PAPPA: variants seen among roughly 807,000 people sequenced by gnomAD.
PAPPA encodes the protein pappalysin 1.
PAPPA carries 60 observed loss-of-function variants against 164.0 expected under a neutral mutation model. The ratio of observed to expected loss-of-function variants is 0.37; its 90% confidence interval spans 0.30 to 0.45. The LOEUF (loss-of-function observed/expected upper bound fraction) is 0.45. Among genes scored for constraint, PAPPA ranks in the 20% least tolerant of loss-of-function variants. PAPPA has a pLI of 1.00. For missense variants in PAPPA, 1,782 were observed against 2,087.3 expected (o/e 0.85, Z 2.85); for synonymous variants, 875 against 814.1 (o/e 1.07, Z -1.27).
rs1843573962 is a variant in PAPPA at position 116,154,370 on chromosome 9, C to A, written c.198C>A (p.Gly66=). Residue 66 remains glycine (G), a synonymous_variant, in exon 1 of 22, where the codon GGC becomes GGA. Transcript: ENST00000328252. The surrounding 1 kb of genome is among the most constrained non-coding windows in gnomAD (Gnocchi z 5.2). ...CGCCGCCGCCGCCGCCGCCGCCGGG[C>A]GGTGCCTGGGAAGCCGTGCGCGTCC... is the stretch of plus-strand genomic sequence containing the variant. ...RASPPPPPPP[G]GAWEAVRVPR... The A allele has an allele frequency of 5.2e-6, 5 of 967,526 alleles. No homozygotes were observed. The highest frequency in any genetic ancestry group is 5.1e-5 in the Admixed American group (1 of 19,578). 59.9% of individuals were successfully genotyped at this position (967,526 alleles called of 1,614,324 possible). A position where few individuals can be genotyped will look rare whatever the true frequency, so the allele number is the denominator to read the frequency against.
chr9:116,173,183 C>G (rs1362859522), intron 1 of PAPPA, among the ~76,000 whole-genome samples: 1 of 152,260 alleles, frequency 6.6e-6, no homozygotes, highest in East Asian at 1.9e-4. Flanking sequence ...AGCATCTAAA[C>G]CCTATTTATC....
At chr9:116,377,207 T>C (rs112616292) in intron 19 of PAPPA, among the ~76,000 whole-genome samples, 4,885 of 146,396 alleles carry the variant, frequency 0.033, 260 homozygotes, top group South Asian at 0.17. Context: ...AACACACACA[T>C]GCGCACACAC....
chr9:116,199,896 G>A (rs754441254), intron 2 of PAPPA, among the ~76,000 whole-genome samples: 3 of 151,858 alleles, frequency 2.0e-5, no homozygotes, highest in South Asian at 2.1e-4. Flanking sequence ...GAGAGAGAGT[G>A]GGGAGACGAT....
chr9:116,341,687 C>A (rs989276739), intron 13 of PAPPA, among the ~76,000 whole-genome samples: 2 of 152,186 alleles, frequency 1.3e-5, no homozygotes, highest in Non-Finnish European at 2.9e-5. Context: ...TTGTTTATCC[C>A]CTCCGTCCAC....
In PAPPA at chr9:116,339,515, G is replaced by A. The variant is rs151158397; in HGVS notation, c.3611+4441G>A. Among the ~76,000 whole-genome samples the A allele has an allele frequency of 2.0e-3, 310 of 152,266 alleles. 1 individual carries two copies. Among genetic ancestry groups the A allele is most frequent in the African/African-American group, 6.4e-3 (267 of 41,544 alleles). ...ATTCCCCCAGGTGCCTCATTTCTGGGTAGAAAAATGAGGTCCTAGCATAGT... is the reference window on the plus strand; with the variant it reads ...ATTCCCCCAGGTGCCTCATTTCTGGATAGAAAAATGAGGTCCTAGCATAGT... On this transcript the variant is annotated intron_variant, in intron 13 of 21. Coordinates refer to ENST00000328252, the MANE Select transcript of PAPPA (RefSeq NM_002581.5).
chr9:116,190,218 T>C (rs1369906939), intron 2 of PAPPA, among the ~76,000 whole-genome samples: 1 of 152,202 alleles, frequency 6.6e-6, no homozygotes, highest in Non-Finnish European at 1.5e-5. Flanking sequence ...ATGATCAGTG[T>C]GCTCCACCAA....
rs765327007 is a variant in PAPPA, at chr9:116,367,640, C to A, written c.4496-5C>A. On this transcript the variant is annotated splice_region_variant and splice_polypyrimidine_tract_variant and intron_variant, in intron 18 of 21. Transcript: ENST00000328252. ...GAGCTGCGCCTCATGCTGTACTTCCCTCAGGGTCGGAGTGTGCCACCTCGT... is the reference window on the plus strand; with the variant it reads ...GAGCTGCGCCTCATGCTGTACTTCCATCAGGGTCGGAGTGTGCCACCTCGT... The A allele has an allele frequency of 1.9e-6, 3 of 1,611,152 alleles. No homozygotes were observed.
At chr9:116,268,695 C>CTTT (rs1554745955) in intron 8 of PAPPA, among the ~76,000 whole-genome samples, 6 of 151,184 alleles carry the variant, frequency 4.0e-5, no homozygotes, top group South Asian at 2.1e-4. Context: ...AAATAGTATA[C>CTTT]TTAATACAGT....
intron 13 of PAPPA, among the ~76,000 whole-genome samples, chr9:116,336,392 C>T (rs747234725): frequency 2.0e-5 from 3 of 152,206 alleles, no homozygotes; most frequent in Non-Finnish European, 2.9e-5. Flanking sequence ...GAGGCAAGAG[C>T]TTCTTAAATA....
chr9:116,162,328 C>A (rs1240902144), intron 1 of PAPPA, among the ~76,000 whole-genome samples: 2 of 152,190 alleles, frequency 1.3e-5, no homozygotes, highest in African/African-American at 4.8e-5. Context: ...ACGATACACA[C>A]ACACATACTC....
intron 6 of PAPPA, among the ~76,000 whole-genome samples, chr9:116,233,374 C>T: frequency 6.6e-6 from 1 of 152,096 alleles, no homozygotes; most frequent in Non-Finnish European, 1.5e-5. Context: ...TGTCAACATC[C>T]CACAAAGTTA....
intron 9 of PAPPA, among the ~76,000 whole-genome samples, chr9:116,279,822 T>A (rs1057284803): frequency 7.2e-5 from 11 of 152,210 alleles, no homozygotes; most frequent in African/African-American, 2.4e-4. Context: ...GGGCCTTTTC[T>A]TAGCTCCTGG....
chr9:116,169,483 C>T (rs987534185), intron 1 of PAPPA, among the ~76,000 whole-genome samples: 1 of 151,416 alleles, frequency 6.6e-6, no homozygotes, highest in Admixed American at 6.6e-5. Flanking sequence ...CCACGCCCAG[C>T]TAATTTTTGT....
intron 11 of PAPPA, 42 bp from the exon 12 acceptor site, chr9:116,332,291 A>C: frequency 3.2e-6 from 5 of 1,583,258 alleles, no homozygotes; most frequent in Non-Finnish European, 4.3e-6. Context: ...CCACCACATG[A>C]CTGAGTGCAC....
In PAPPA at chr9:116,296,222, A is replaced by G. The variant is rs562477826; in HGVS notation, c.2954-6535A>G. On this transcript the variant is annotated intron_variant, in intron 9 of 21. Coordinates refer to ENST00000328252, the MANE Select transcript of PAPPA (RefSeq NM_002581.5). ...TTTTAGAAAAAGTGTGACATACCCT[A>G]TAAGAAGGTGCCTCTGTTTTGATGA... 1.1e-3 allele frequency among the ~76,000 whole-genome samples: 167 copies of G among 152,348 alleles called. 1 individual carries two copies. Among genetic ancestry groups the G allele is most frequent in the African/African-American group, 3.9e-3 (161 of 41,582 alleles).
At chr9:116,389,213 A>C (rs1019422407) in intron 21 of PAPPA, among the ~76,000 whole-genome samples, 3 of 150,554 alleles carry the variant, frequency 2.0e-5, no homozygotes, top group Non-Finnish European at 4.4e-5. Flanking sequence ...GCTCACTGCA[A>C]CCTCCGCCTC....
chr9:116,181,966 A>C (rs1042270227), intron 1 of PAPPA, among the ~76,000 whole-genome samples: 1 of 152,232 alleles, frequency 6.6e-6, no homozygotes, highest in Non-Finnish European at 1.5e-5. Context: ...GGTGCTGCAG[A>C]ACTTACAGAA....
chr9:116,268,172 TC>T (rs1845094015), intron 8 of PAPPA, among the ~76,000 whole-genome samples: 1 of 152,216 alleles, frequency 6.6e-6, no homozygotes, highest in Non-Finnish European at 1.5e-5. Flanking sequence ...AGAATTTGAC[TC>T]CTCAAGCACA....
intron 9 of PAPPA, among the ~76,000 whole-genome samples, chr9:116,284,378 A>T (rs1845304567): frequency 6.6e-6 from 1 of 151,968 alleles, no homozygotes; most frequent in East Asian, 1.9e-4. Flanking sequence ...GGTACCTGTG[A>T]AGTGTTAGCC....
Sources: gnomAD v4.1 joint callset for allele counts (sites outside exome capture counted in the v4.1 genomes callset) on GRCh38, gnomAD v4.1.1 for gene constraint, Gnocchi (gnomAD v3.1) non-coding constraint, MANE v1.5 for transcripts, NCBI Gene and HGNC (gene_info 2026-07-23, HGNC 2026-07-21) for gene names.